LARGE1: variants seen among roughly 807,000 people sequenced by gnomAD.
LARGE1 encodes LARGE xylosyl- and glucuronyltransferase 1.
A neutral mutation model predicts 87.6 loss-of-function variants in LARGE1; 43 were observed. That is an observed-to-expected ratio of 0.49 (90% CI 0.38 to 0.63). The LOEUF is 0.63. LARGE1 is among the 30% of genes least tolerant of loss of function. The pLI, the probability that LARGE1 is intolerant of heterozygous loss-of-function variation, is 0.00. For synonymous variants in LARGE1, 434 were observed against 394.6 expected (o/e 1.10, Z -1.18); for missense variants, 802 against 1,000.2 (o/e 0.80, Z 2.67).
intron 5 of LARGE1, among the ~76,000 whole-genome samples, chr22:33,585,084 T>C (rs2148889669): frequency 6.6e-6 from 1 of 152,248 alleles, no homozygotes; most frequent in Non-Finnish European, 1.5e-5. Context: ...ACCACTGCAT[T>C]CCAGCCTGGG....
At chr22:33,672,009 T>C (rs2081429841) in intron 2 of LARGE1, among the ~76,000 whole-genome samples, 1 of 152,300 alleles carries the variant, frequency 6.6e-6, no homozygotes, top group Non-Finnish European at 1.5e-5. Context: ...ACATAAAAAA[T>C]ACTTATCAAT....
chr22:33,644,269 A>G (rs1440191870), intron 3 of LARGE1, among the ~76,000 whole-genome samples: 1 of 152,252 alleles, frequency 6.6e-6, no homozygotes, highest in Non-Finnish European at 1.5e-5. Flanking sequence ...ACGCAAATCA[A>G]TAAATGTAAT....
chr22:33,150,287 C>A, the LARGE1 span, among the ~76,000 whole-genome samples: 1 of 152,066 alleles, frequency 6.6e-6, no homozygotes, highest in Non-Finnish European at 1.5e-5. Context: ...TCATTTTAGT[C>A]AGTAGGAGAG....
In LARGE1 at chr22:33,636,332, C is replaced by T. The variant is rs112639002; in HGVS notation, c.409-10006G>A. ...AAAAAGTCCACACACATTAGCCAGA[C>T]AATCACTCAACAATGATCAGTGTAG... On this transcript the variant is annotated intron_variant, in intron 3 of 14. Coordinates refer to ENST00000397394, the MANE Select transcript of LARGE1 (RefSeq NM_133642.5). Among the ~76,000 whole-genome samples, 829 of 152,268 alleles carry T rather than the reference C, an allele frequency of 5.4e-3. 10 individuals carry two copies. The highest frequency in any genetic ancestry group is 0.018 in the African/African-American group (748 of 41,550).
intron 11 of LARGE1, among the ~76,000 whole-genome samples, chr22:33,257,017 C>A (rs1351438056): frequency 6.6e-6 from 1 of 151,914 alleles, no homozygotes; most frequent in Non-Finnish European, 1.5e-5. Flanking sequence ...ACCAGCCTAA[C>A]CAACATGGAG....
intron 1 of LARGE1, among the ~76,000 whole-genome samples, chr22:33,914,008 C>T (rs919153445): frequency 2.0e-5 from 3 of 152,196 alleles, no homozygotes; most frequent in Non-Finnish European, 4.4e-5. Context: ...CTGCAATTAA[C>T]TTATCTCAAA....
intron 1 of LARGE1, among the ~76,000 whole-genome samples, chr22:33,779,826 G>C (rs2085360884): frequency 6.6e-6 from 1 of 151,968 alleles, no homozygotes; most frequent in Admixed American, 6.6e-5. Flanking sequence ...AAGAACTAGG[G>C]GGTGGTAAGA....
At chr22:33,734,559 C>G (rs1569414961) in intron 2 of LARGE1, among the ~76,000 whole-genome samples, 1 of 152,196 alleles carries the variant, frequency 6.6e-6, no homozygotes, top group Non-Finnish European at 1.5e-5. Context: ...TTGAAACACT[C>G]TTTGTTCATC....
At chr22:33,811,661 G>C (rs2086498301) in intron 1 of LARGE1, among the ~76,000 whole-genome samples, 1 of 152,162 alleles carries the variant, frequency 6.6e-6, no homozygotes, top group African/African-American at 2.4e-5. Flanking sequence ...AAGAAGGCCA[G>C]AGCCCAACTG....
At chr22:33,625,111 C>T (rs1417328623) in intron 4 of LARGE1, among the ~76,000 whole-genome samples, 1 of 152,200 alleles carries the variant, frequency 6.6e-6, no homozygotes, top group East Asian at 1.9e-4. Context: ...GCAAACTTTT[C>T]ACCACTATTC....
intron 6 of LARGE1, among the ~76,000 whole-genome samples, chr22:33,469,054 C>T (rs1357120673): frequency 6.6e-6 from 1 of 152,162 alleles, no homozygotes; most frequent in Non-Finnish European, 1.5e-5. Flanking sequence ...TGGTGAGGTT[C>T]TGGAGAAAAG....
At chr22:33,492,579 G>GT (rs1004925407) in intron 6 of LARGE1, among the ~76,000 whole-genome samples, 9 of 152,194 alleles carry the variant, frequency 5.9e-5, no homozygotes, top group African/African-American at 1.9e-4. Context: ...CCGTGCTGCT[G>GT]TGTCTGAAGG....
At chr22:33,529,048 C>CGTGGAATA (rs1412530043) in intron 6 of LARGE1, among the ~76,000 whole-genome samples, 1 of 152,206 alleles carries the variant, frequency 6.6e-6, no homozygotes, top group East Asian at 1.9e-4. Flanking sequence ...ACTCCCTACA[C>CGTGGAATA]GTGGAATAGC....
intron 1 of LARGE1, among the ~76,000 whole-genome samples, chr22:33,910,593 G>A (rs368578102): frequency 6.6e-5 from 10 of 152,140 alleles, no homozygotes; most frequent in Non-Finnish European, 8.8e-5. Flanking sequence ...CTGAATGGAC[G>A]ATGAGTAACT....
chr22:33,552,555 A>T (rs1399812670), intron 6 of LARGE1, among the ~76,000 whole-genome samples: 3 of 152,174 alleles, frequency 2.0e-5, no homozygotes, highest in Non-Finnish European at 4.4e-5. Flanking sequence ...AAGACCCCCA[A>T]ATCCTCTCTT....
chr22:33,640,200 C>T (rs188919351), intron 3 of LARGE1, among the ~76,000 whole-genome samples: 328 of 152,188 alleles, frequency 2.2e-3, no homozygotes, highest in Non-Finnish European at 1.9e-3. Flanking sequence ...ATGGCTTTTT[C>T]GTTAAAATCC....
intron 1 of LARGE1, among the ~76,000 whole-genome samples, chr22:33,818,774 C>T (rs1568956735): frequency 6.6e-6 from 1 of 152,162 alleles, no homozygotes; most frequent in East Asian, 1.9e-4. Context: ...ACACTTTAGA[C>T]ACCCAAGGAC....
intron 6 of LARGE1, among the ~76,000 whole-genome samples, chr22:33,514,105 G>A (rs2071182787): frequency 6.6e-6 from 1 of 152,154 alleles, no homozygotes; most frequent in Admixed American, 6.6e-5. Flanking sequence ...TACACTCAGT[G>A]ATGTTTGCAC....
At chr22:33,073,195 A>G in the LARGE1 span, among the ~76,000 whole-genome samples, 1 of 152,058 alleles carries the variant, frequency 6.6e-6, no homozygotes, top group African/African-American at 2.4e-5. Flanking sequence ...TGTACTTTAA[A>G]CTTCATTCCT....
Sources: gnomAD v4.1 joint callset for allele counts (sites outside exome capture counted in the v4.1 genomes callset) on GRCh38, gnomAD v4.1.1 for gene constraint, MANE v1.5 for transcripts, NCBI Gene and HGNC (gene_info 2026-07-23, HGNC 2026-07-21) for gene names.